The following CNTNAP2 variants were observed in gnomAD, a reference collection of about 807,000 sequenced individuals.
CNTNAP2 encodes contactin associated protein 2.
CNTNAP2 carries 98 observed loss-of-function variants against 155.2 expected under a neutral mutation model. The ratio of observed to expected loss-of-function variants is 0.63; its 90% CI spans 0.54 to 0.75. The LOEUF (loss-of-function observed/expected upper bound fraction) is 0.75, where lower values mean the gene tolerates loss of function less well. Among genes scored for constraint, CNTNAP2 ranks in the 30% least tolerant of loss-of-function variants. The pLI is 0.00. For missense variants in CNTNAP2, 1,727 were observed against 1,688.1 expected (o/e 1.02, Z -0.40); for synonymous variants, 651 against 631.2 (o/e 1.03, Z -0.47).
At chr7:146,594,091 T>C (rs2129150028) in intron 1 of CNTNAP2, among the ~76,000 whole-genome samples, 1 of 152,274 alleles carries the variant, frequency 6.6e-6, no homozygotes, top group East Asian at 1.9e-4. Context: ...ACTTCTAATG[T>C]TTCTTCTAAG....
chr7:146,860,352 G>A (rs1795074111), intron 3 of CNTNAP2, among the ~76,000 whole-genome samples: 1 of 152,176 alleles, frequency 6.6e-6, no homozygotes, highest in South Asian at 2.1e-4. Context: ...CCAGGCAAAA[G>A]TGGAACATGT....
rs187130582 is a variant in CNTNAP2 at position 146,249,847 on chromosome 7, A to G, written c.97+132874A>G. 7.5e-3 allele frequency among the ~76,000 whole-genome samples: 1,142 copies of G among 152,308 alleles called. 16 individuals carry two copies. Among genetic ancestry groups the G allele is most frequent in the African/African-American group, 0.025 (1,044 of 41,578 alleles). On this transcript the variant is annotated intron_variant, in intron 1 of 23. Transcript: ENST00000361727. ...AGAAATGTCAAGAAAGACTTAGATT[A>G]TACTTATTTTTATTAAAAGGAATGA...
chr7:146,482,226 A>C (rs1796971379), intron 1 of CNTNAP2, among the ~76,000 whole-genome samples: 1 of 150,040 alleles, frequency 6.7e-6, no homozygotes, highest in Non-Finnish European at 1.5e-5. Flanking sequence ...AAAAAAAAAA[A>C]CTCCAGTGAA....
chr7:147,382,834 G>A (rs906593834), intron 9 of CNTNAP2, among the ~76,000 whole-genome samples: 3 of 152,086 alleles, frequency 2.0e-5, no homozygotes, highest in African/African-American at 4.8e-5. Context: ...GGAAAACCTC[G>A]AATGATGTAG....
chr7:146,758,601 CAA>C (rs1290435252), intron 1 of CNTNAP2, among the ~76,000 whole-genome samples: 3 of 152,108 alleles, frequency 2.0e-5, no homozygotes, highest in Non-Finnish European at 2.9e-5. Context: ...TGGTGGCAGG[CAA>C]GAGAAGAGAG....
chr7:147,297,859 G>A lies in CNTNAP2; in HGVS notation c.1349-2282G>A, dbSNP rs1040907431. On this transcript the variant is annotated intron_variant, in intron 8 of 23. Transcript: ENST00000361727. ...TGGTTGCTTCCAAATCTTAGCTATCGTAAACAGTGCTGCAACAAACATAGG... is the reference window on the plus strand; with the variant it reads ...TGGTTGCTTCCAAATCTTAGCTATCATAAACAGTGCTGCAACAAACATAGG... Among the ~76,000 whole-genome samples the A allele has an allele frequency of 3.1e-4, 47 of 152,218 alleles. No homozygotes were observed. In the South Asian group the frequency reaches 4.1e-3, roughly 13 times the overall value.
chr7:148,088,301 C>G (rs1186827045), intron 15 of CNTNAP2, among the ~76,000 whole-genome samples: 1 of 151,544 alleles, frequency 6.6e-6, no homozygotes, highest in Non-Finnish European at 1.5e-5. Context: ...CCCAAAGTTA[C>G]TAGATGGAAG....
chr7:146,566,551 G>A (rs1798359124), intron 1 of CNTNAP2, among the ~76,000 whole-genome samples: 1 of 151,980 alleles, frequency 6.6e-6, no homozygotes, highest in African/African-American at 2.4e-5. Flanking sequence ...AAACAAATTA[G>A]CTGGGCGTGG....
intron 2 of CNTNAP2, among the ~76,000 whole-genome samples, chr7:146,792,105 T>C (rs1802685263): frequency 6.6e-6 from 1 of 152,222 alleles, no homozygotes; most frequent in Non-Finnish European, 1.5e-5. Context: ...CACTGCCGTT[T>C]GGAATGGTAC....
intron 3 of CNTNAP2, among the ~76,000 whole-genome samples, chr7:146,896,421 T>C (rs1795878761): frequency 6.6e-6 from 1 of 152,218 alleles, no homozygotes; most frequent in African/African-American, 2.4e-5. Flanking sequence ...TTTTTTTTTC[T>C]GTTCCCCGTA....
intron 4 of CNTNAP2, among the ~76,000 whole-genome samples, chr7:147,101,025 A>T (rs1219375981): frequency 6.6e-6 from 1 of 152,234 alleles, no homozygotes; most frequent in African/African-American, 2.4e-5. Flanking sequence ...GATGCCTAAA[A>T]GTAAACTAGA....
chr7:147,812,248 G>C (rs1378141857), intron 13 of CNTNAP2, among the ~76,000 whole-genome samples: 1 of 152,140 alleles, frequency 6.6e-6, no homozygotes, highest in Non-Finnish European at 1.5e-5. Context: ...CGGTGTTCAG[G>C]AGTAAACTTT....
chr7:146,841,154 C>A (rs945635302), intron 3 of CNTNAP2, among the ~76,000 whole-genome samples: 3 of 152,114 alleles, frequency 2.0e-5, no homozygotes, highest in Non-Finnish European at 4.4e-5. Flanking sequence ...TTTAGTTGGT[C>A]TAAGGTGCAG....
chr7:146,872,782 T>C (rs4537227), intron 3 of CNTNAP2, among the ~76,000 whole-genome samples: 33,441 of 152,152 alleles, frequency 0.22, 3,915 homozygotes, highest in Admixed American at 0.33. Context: ...CTTTCTACAC[T>C]TAAATGATTG....
At chr7:148,070,844 A>G (rs941462988) in intron 15 of CNTNAP2, among the ~76,000 whole-genome samples, 19 of 152,328 alleles carry the variant, frequency 1.2e-4, no homozygotes, top group African/African-American at 4.6e-4. Flanking sequence ...TATGGAAAAC[A>G]TTTCTTATTT....
At chr7:146,220,446 G>A (rs372238760) in intron 1 of CNTNAP2, among the ~76,000 whole-genome samples, 1 of 152,134 alleles carries the variant, frequency 6.6e-6, no homozygotes, top group East Asian at 1.9e-4. Context: ...GGTAGACCAG[G>A]TTCAAGTCAG....
rs117240965 is a variant in CNTNAP2, at chr7:147,445,577, A to G, written c.1671-40358A>G. 8.7e-3 allele frequency among the ~76,000 whole-genome samples: 1,322 copies of G among 152,346 alleles called. 8 individuals carry two copies. Among genetic ancestry groups the G allele is most frequent in the Non-Finnish European group, 0.014 (919 of 68,036 alleles). On this transcript the variant is annotated intron_variant, in intron 10 of 23. Coordinates refer to ENST00000361727, the MANE Select transcript of CNTNAP2 (RefSeq NM_014141.6). ...AAGGTGTTAGAACACTGCTTGACACAAAGTACTTAACAAATGTTAGTTGTC... is the reference window on the plus strand; with the variant it reads ...AAGGTGTTAGAACACTGCTTGACACGAAGTACTTAACAAATGTTAGTTGTC...
At chr7:146,963,249 T>G (rs1003832631) in intron 3 of CNTNAP2, 2 of 152,246 alleles carry the variant, frequency 1.3e-5, no homozygotes, top group Non-Finnish European at 2.9e-5. Context: ...TTTCTAATTT[T>G]ATTTCATTTG....
At chr7:146,274,559 A>G (rs926345090) in intron 1 of CNTNAP2, among the ~76,000 whole-genome samples, 2 of 152,246 alleles carry the variant, frequency 1.3e-5, no homozygotes, top group East Asian at 1.9e-4. Context: ...ATTTGCCCCT[A>G]TTTGTTCAGT....
Sources: allele counts gnomAD v4.1 joint callset (sites outside exome capture counted in the v4.1 genomes callset), GRCh38; gene constraint gnomAD v4.1.1; transcripts MANE v1.5; gene names NCBI Gene and HGNC (gene_info 2026-07-23, HGNC 2026-07-21).